Variants in LIPG observed in about 807,000 individuals in gnomAD.
The protein encoded by LIPG is endothelial lipase.
In LIPG, 34 loss-of-function variants were observed where a neutral mutation model predicts 51.8. The ratio of observed to expected loss-of-function variants is 0.66; its 90% CI spans 0.50 to 0.87. The LOEUF (loss-of-function observed/expected upper bound fraction) is 0.87, where lower values mean the gene tolerates loss of function less well. Among genes scored for constraint, LIPG ranks in the 40% least tolerant of loss-of-function variants. The pLI, the probability that LIPG is intolerant of heterozygous loss-of-function variation, is 0.00. For missense variants in LIPG, 580 were observed against 652.7 expected (o/e 0.89, Z 1.21); for synonymous variants, 246 against 246.1 (o/e 1.00, Z 0.00).
chr18:49,580,832 C>T (rs1160336515), intron 5 of LIPG, among the ~76,000 whole-genome samples: 1 of 152,214 alleles, frequency 6.6e-6, no homozygotes, highest in Non-Finnish European at 1.5e-5. Flanking sequence ...ATTATATGGG[C>T]GTTCTTGCTC....
chr18:49,581,798 T>G, intron 6 of LIPG, 141 bp downstream of exon 6: 1 of 1,037,166 alleles, frequency 9.6e-7, no homozygotes, highest in Non-Finnish European at 1.5e-6. Flanking sequence ...CAGATTACAC[T>G]GTGCATGTCC....
Position 49,590,810 on chromosome 18 carries a change from C to T in LIPG, c.*288C>T. The T allele has an allele frequency of 3.8e-6, 2 of 531,872 alleles. No individual in the cohort carries two copies. The highest frequency in any genetic ancestry group is 4.1e-5 in the South Asian group (2 of 49,060). 32.9% of individuals were successfully genotyped at this position (531,872 alleles called of 1,614,324 possible). The stretch of plus-strand genomic sequence containing the variant: ...GTGTAAGCAGCTGGGTGCCTGGGGC[C>T]TCTCGTGCACACTGGATTGGTTTCT... On this transcript the variant is annotated 3_prime_UTR_variant, in exon 10 of 10. Transcript: ENST00000261292.
At position 49,597,376 on chromosome 18, in the gene LIPG, G is replaced by A. The variant is rs1166631274; in HGVS notation, c.*6854G>A. On this transcript the variant is annotated 3_prime_UTR_variant, in exon 10 of 10. Transcript: ENST00000261292. The stretch of plus-strand genomic sequence containing the variant: ...CCATGGCAGCAACGGTTGCCATAGA[G>A]AGGTGAAGAGAGGTGTCGGTGCCCT... 3.9e-5 allele frequency: 6 copies of A among 152,216 alleles called. No individual in the cohort carries two copies. The highest frequency in any genetic ancestry group is 8.8e-5 in the Non-Finnish European group (6 of 68,048). The allele number at this position is 152,216 out of a possible 1,614,324, so 9.4% of individuals were successfully genotyped here.
Position 49,598,943 on chromosome 18 carries a change from G to C in LIPG, c.*8421G>C, listed in dbSNP as rs1279596057. 6.6e-6 allele frequency: 1 copy of C among 152,166 alleles called. No homozygotes were observed. The highest frequency in any genetic ancestry group is 1.5e-5 in the Non-Finnish European group (1 of 68,036). The allele number at this position is 152,166 out of a possible 1,614,324, so 9.4% of individuals were successfully genotyped here. On this transcript the variant is annotated 3_prime_UTR_variant, in exon 10 of 10. Coordinates refer to ENST00000261292, the MANE Select transcript of LIPG (RefSeq NM_006033.4). ...ACGTCTTTGCATGGATCAGTCATCT[G>C]TTCCATTTTATTGCTAAGCAGTATT...
chr18:49,595,484 A>T lies in LIPG; in HGVS notation c.*4962A>T, dbSNP rs2084977361. On this transcript the variant is annotated 3_prime_UTR_variant, in exon 10 of 10. Coordinates refer to ENST00000261292, the MANE Select transcript of LIPG (RefSeq NM_006033.4). ...GTTAAAGGTACATGGTAAAAAAGAA[A>T]GTATTTGTGTTTTGTAAACATTTGA... 1.3e-5 allele frequency: 2 copies of T among 152,196 alleles called. No individual in the cohort carries two copies. The highest frequency in any genetic ancestry group is 1.3e-4 in the Admixed American group (2 of 15,278). The allele number at this position is 152,196 out of a possible 1,614,324, so 9.4% of individuals were successfully genotyped here.
Position 49,562,367 on chromosome 18 carries a change from G to A in LIPG, c.59G>A (p.Gly20Glu), listed in dbSNP as rs373088733. 6 of 1,613,888 alleles carry A rather than the reference G, an allele frequency of 3.7e-6. No individual in the cohort carries two copies. The highest frequency in any genetic ancestry group is 1.3e-5 in the African/African-American group (1 of 74,928). Residue 20 changes from glycine to glutamate, a missense_variant, in exon 1 of 10, where the codon GGG becomes GAG. Coordinates refer to ENST00000261292, the MANE Select transcript of LIPG (RefSeq NM_006033.4). ...FWSLCYCFAAGSPVPFGPEGR... is the reference protein window; with the variant it reads ...FWSLCYCFAAESPVPFGPEGR... ...AGCCTCTGCTATTGCTTTGCTGCGG[G>A]GAGCCCCGTACCTTTTGGTCCAGAG... is the stretch of plus-strand genomic sequence containing the variant.
At chr18:49,586,720 C>T in intron 8 of LIPG, 26 bp from the exon 9 acceptor site, 1 of 1,523,348 alleles carries the variant, frequency 6.6e-7, no homozygotes, top group East Asian at 2.3e-5. Context: ...GTTCTGCCTA[C>T]ATCAGTGGTT....
intron 4 of LIPG, among the ~76,000 whole-genome samples, chr18:49,570,399 C>A (rs1376094145): frequency 6.6e-6 from 1 of 152,128 alleles, no homozygotes; most frequent in African/African-American, 2.4e-5. Flanking sequence ...AAATTTGTTG[C>A]CCTGAACTTC....
rs1292451874 is a variant in LIPG, at chr18:49,592,158, A to G, written c.*1636A>G. ...TTAGGTTTTCTAAGGACATTGTTTT[A>G]ATCTGTATCGTGCCAAAGTTGTATC... On this transcript the variant is annotated 3_prime_UTR_variant, in exon 10 of 10. Coordinates refer to ENST00000261292, the MANE Select transcript of LIPG (RefSeq NM_006033.4). 1.3e-5 allele frequency: 2 copies of G among 152,262 alleles called. No homozygotes were observed. The allele number at this position is 152,262 out of a possible 1,614,324, so 9.4% of individuals were successfully genotyped here. A position where few individuals can be genotyped will look rare whatever the true frequency, so the allele number is the denominator to read the frequency against.
chr18:49,582,309 T>A (rs1209365214), intron 6 of LIPG, 53 bp from the exon 7 acceptor site: 4 of 1,613,010 alleles, frequency 2.5e-6, no homozygotes, highest in African/African-American at 1.3e-5. Flanking sequence ...GTCAGGGGTC[T>A]CCTGTGATGA....
At chr18:49,587,081 T>C (rs912371069) in intron 9 of LIPG, among the ~76,000 whole-genome samples, 20 of 140,690 alleles carry the variant, frequency 1.4e-4, no homozygotes, top group Middle Eastern at 4.0e-3. Context: ...CCAGCCTGGC[T>C]AACATAGTGA....
At chr18:49,581,132 T>G (rs912771269) in intron 5 of LIPG, among the ~76,000 whole-genome samples, 1 of 152,092 alleles carries the variant, frequency 6.6e-6, no homozygotes, top group Admixed American at 6.6e-5. Flanking sequence ...GGTGGTCATG[T>G]GCCTGTCGTC....
chr18:49,567,620 A>C lies in LIPG; in HGVS notation c.458A>C (p.Gln153Pro). 1 of 1,613,852 alleles carries C rather than the reference A, an allele frequency of 6.2e-7. No homozygotes were observed. Among genetic ancestry groups the C allele is most frequent in the Non-Finnish European group, 8.5e-7 (1 of 1,179,970 alleles). The stretch of plus-strand genomic sequence containing the variant: ...ATTGCCAGGATGCTCGACTGGCTGC[A>C]GGTACTGGGGGATGAGAGGGAGTCT... ...HSIARMLDWL[Q>P]EKDDFSLGNV... The change falls in exon 3 of 10, where the codon CAG becomes CCG. Residue 153 changes from glutamine (Q) to proline (P), a missense_variant and splice_region_variant. Transcript: ENST00000261292.
chr18:49,565,716 G>C (rs1307643660), intron 2 of LIPG, among the ~76,000 whole-genome samples: 1 of 152,182 alleles, frequency 6.6e-6, no homozygotes, highest in East Asian at 1.9e-4. Flanking sequence ...CATACAACGG[G>C]CTTTCAGAAA....
At chr18:49,586,724 A>G in intron 8 of LIPG, 22 bp from the exon 9 acceptor site, 1 of 1,545,976 alleles carries the variant, frequency 6.5e-7, no homozygotes, top group Non-Finnish European at 8.9e-7. Context: ...TGCCTACATC[A>G]GTGGTTTCTT....
chr18:49,575,312 C>T, intron 4 of LIPG, 57 bp from the exon 5 acceptor site: 1 of 1,393,214 alleles, frequency 7.2e-7, no homozygotes, highest in Non-Finnish European at 1.0e-6. Context: ...GTAATCAGGA[C>T]TCACTGACCA....
In LIPG at chr18:49,567,486, C is replaced by T. The variant is rs946264582; in HGVS notation, c.324C>T (p.Ala108=). The change falls in exon 3 of 10, where the codon GCC becomes GCT. Residue 108 remains alanine (A), a synonymous_variant. Transcript: ENST00000261292. ...ACTGGCTGCACAAACTCGTGTCAGC[C>T]CTGCACACAAGAGAGAAAGACGCCA... is the stretch of plus-strand genomic sequence containing the variant. ...FENWLHKLVS[A]LHTREKDANV... 6.2e-7 allele frequency: 1 copy of T among 1,614,124 alleles called. No individual in the cohort carries two copies. The highest frequency in any genetic ancestry group is 8.5e-7 in the Non-Finnish European group (1 of 1,180,032).
chr18:49,578,095 T>G (rs1170446802), intron 5 of LIPG, among the ~76,000 whole-genome samples: 1 of 112,806 alleles, frequency 8.9e-6, no homozygotes. Flanking sequence ...CCCTCCCGGA[T>G]GGGGCGGCTG....
At chr18:49,578,282 C>A (rs945183081) in intron 5 of LIPG, among the ~76,000 whole-genome samples, 1 of 144,172 alleles carries the variant, frequency 6.9e-6, no homozygotes, top group African/African-American at 2.7e-5. Flanking sequence ...GGTTGCCAGG[C>A]AGAGGGTCTC....
Sources: gnomAD v4.1 joint callset for allele counts (sites outside exome capture counted in the v4.1 genomes callset) on GRCh38, gnomAD v4.1.1 for gene constraint, MANE v1.5 for transcripts, NCBI Gene and HGNC (gene_info 2026-07-23, HGNC 2026-07-21) for gene names.